The following ABTB3 variants were observed in gnomAD, a reference collection of about 807,000 sequenced individuals.
ABTB3 encodes the protein ankyrin repeat and BTB domain containing 3.
the ABTB3 span, among the ~76,000 whole-genome samples, chr12:107,618,800 G>A: frequency 6.6e-6 from 1 of 152,244 alleles, no homozygotes; most frequent in Non-Finnish European, 1.5e-5. Flanking sequence ...GTTCCCAGTG[G>A]TTGAGGAATC....
At chr12:107,601,898 C>G in the ABTB3 span, among the ~76,000 whole-genome samples, 1 of 152,156 alleles carries the variant, frequency 6.6e-6, no homozygotes, top group African/African-American at 2.4e-5. Context: ...TATGAGAAAG[C>G]AAAATGAAAT....
At chr12:107,554,284 T>C in the ABTB3 span, among the ~76,000 whole-genome samples, 91 of 152,298 alleles carry the variant, frequency 6.0e-4, no homozygotes, top group African/African-American at 2.0e-3. Flanking sequence ...TATTTAGATA[T>C]GCTTATGGGG....
the ABTB3 span, among the ~76,000 whole-genome samples, chr12:107,396,478 A>G: frequency 6.6e-6 from 1 of 152,232 alleles, no homozygotes; most frequent in Non-Finnish European, 1.5e-5. Context: ...AAAAAGATCC[A>G]TTCATCCAGC....
the ABTB3 span, among the ~76,000 whole-genome samples, chr12:107,583,645 C>T: frequency 1.2e-3 from 183 of 152,300 alleles, no homozygotes; most frequent in Non-Finnish European, 5.6e-4. Context: ...TCCATCTCTG[C>T]GCCCCCCCTC....
chr12:107,364,271 A>G, the ABTB3 span, among the ~76,000 whole-genome samples: 2 of 151,854 alleles, frequency 1.3e-5, no homozygotes, highest in Non-Finnish European at 2.9e-5. Flanking sequence ...CTGGCTCTCA[A>G]ATACTTTTCT....
the ABTB3 span, among the ~76,000 whole-genome samples, chr12:107,499,000 A>T: frequency 2.0e-5 from 3 of 152,280 alleles, no homozygotes; most frequent in South Asian, 6.2e-4. Flanking sequence ...ACCTTAGGAG[A>T]GTGACTTAGC....
the ABTB3 span, among the ~76,000 whole-genome samples, chr12:107,352,514 G>A: frequency 9.2e-5 from 14 of 152,118 alleles, no homozygotes; most frequent in Non-Finnish European, 1.5e-4. Flanking sequence ...GGGCAGGGCT[G>A]TGCTAGCTGT....
At chr12:107,423,372 A>T in the ABTB3 span, among the ~76,000 whole-genome samples, 1 of 152,220 alleles carries the variant, frequency 6.6e-6, no homozygotes, top group Non-Finnish European at 1.5e-5. Context: ...TGCAGAACAC[A>T]GTATCTCCAT....
At chr12:107,376,087 C>T in the ABTB3 span, among the ~76,000 whole-genome samples, 4 of 152,262 alleles carry the variant, frequency 2.6e-5, no homozygotes, top group African/African-American at 7.2e-5. Context: ...GTCCCCTAGA[C>T]AACCCCATGG....
chr12:107,326,077 G>C, the ABTB3 span, among the ~76,000 whole-genome samples: 3 of 152,088 alleles, frequency 2.0e-5, no homozygotes, highest in Non-Finnish European at 4.4e-5. Context: ...AGCTAATTTT[G>C]TATTTTTAGT....
chr12:107,522,382 A>G, the ABTB3 span, among the ~76,000 whole-genome samples: 2 of 152,118 alleles, frequency 1.3e-5, no homozygotes, highest in African/African-American at 2.4e-5. Context: ...GTTTATTGAG[A>G]TATAGTTCAT....
At chr12:107,612,782 C>T in the ABTB3 span, 1 of 1,612,584 alleles carries the variant, frequency 6.2e-7, no homozygotes, top group South Asian at 1.1e-5. Flanking sequence ...CACCACAGGG[C>T]ATGACTCCCC....
At chr12:107,464,306 GT>G in the ABTB3 span, among the ~76,000 whole-genome samples, 1 of 150,136 alleles carries the variant, frequency 6.7e-6, no homozygotes, top group South Asian at 2.1e-4. Context: ...GGTGGTGACT[GT>G]TTTTGTTTTC....
chr12:107,498,724 A>G, the ABTB3 span, among the ~76,000 whole-genome samples: 2 of 152,190 alleles, frequency 1.3e-5, no homozygotes, highest in Admixed American at 1.3e-4. Flanking sequence ...CACCTAGAAA[A>G]CCCAGGATAC....
the ABTB3 span, among the ~76,000 whole-genome samples, chr12:107,594,169 A>G: frequency 6.6e-6 from 1 of 152,318 alleles, no homozygotes; most frequent in South Asian, 2.1e-4. Context: ...CATGATGCTG[A>G]AGCAAGATAA....
At chr12:107,389,220 T>A in the ABTB3 span, among the ~76,000 whole-genome samples, 5 of 152,188 alleles carry the variant, frequency 3.3e-5, no homozygotes, top group Non-Finnish European at 5.9e-5. Context: ...TTTAGAAAAT[T>A]AAACAAAAAC....
the ABTB3 span, among the ~76,000 whole-genome samples, chr12:107,536,125 A>T: frequency 1.3e-5 from 2 of 152,172 alleles, no homozygotes; most frequent in Admixed American, 1.3e-4. Context: ...AGGCACCAAG[A>T]ACATATATTA....
the ABTB3 span, among the ~76,000 whole-genome samples, chr12:107,621,714 C>T: frequency 6.6e-6 from 1 of 152,186 alleles, no homozygotes; most frequent in Non-Finnish European, 1.5e-5. Flanking sequence ...CCCAAGTGGT[C>T]CCCTTACACC....
chr12:107,344,970 A>G, the ABTB3 span, among the ~76,000 whole-genome samples: 5 of 152,208 alleles, frequency 3.3e-5, no homozygotes, highest in African/African-American at 9.6e-5. Context: ...AAAGCACTCA[A>G]CCTCATAACT....
Sources: allele counts gnomAD v4.1 joint callset (sites outside exome capture counted in the v4.1 genomes callset), GRCh38; gene constraint gnomAD v4.1.1; transcripts MANE v1.5; gene names NCBI Gene and HGNC (gene_info 2026-07-23, HGNC 2026-07-21).